CDH4: variants seen among roughly 807,000 people sequenced by gnomAD.
The protein encoded by CDH4 is cadherin 4.
In CDH4, 33 loss-of-function variants were observed where a neutral mutation model predicts 86.0. The observed-to-expected ratio is 0.38, with a 90% CI of 0.29 to 0.51. The LOEUF is 0.51. Among genes scored for constraint, CDH4 ranks in the 20% least tolerant of loss-of-function variants. The pLI, the probability that CDH4 is intolerant of heterozygous loss-of-function variation, is 0.86. For synonymous variants in CDH4, 555 were observed against 549.4 expected (o/e 1.01, Z -0.14); for missense variants, 1,114 against 1,307.4 (o/e 0.85, Z 2.28).
intron 2 of CDH4, among the ~76,000 whole-genome samples, chr20:61,555,107 ATG>A (rs1224869637): frequency 2.0e-5 from 3 of 151,404 alleles, no homozygotes; most frequent in Non-Finnish European, 4.4e-5. Flanking sequence ...TATGAGCCGT[ATG>A]TGTGTGTGTG....
chr20:61,655,518 G>C (rs1248911377), intron 2 of CDH4, among the ~76,000 whole-genome samples: 1 of 152,228 alleles, frequency 6.6e-6, no homozygotes, highest in Non-Finnish European at 1.5e-5. Flanking sequence ...CCACTGCCGT[G>C]TTCTCCTCTC....
chr20:61,588,554 G>T (rs902570142), intron 2 of CDH4, among the ~76,000 whole-genome samples: 2 of 152,162 alleles, frequency 1.3e-5, no homozygotes, highest in East Asian at 3.9e-4. Context: ...CTCATTCCCC[G>T]CTGAGGGGAA....
At chr20:61,731,899 A>G (rs888211921) in intron 2 of CDH4, among the ~76,000 whole-genome samples, 2 of 152,060 alleles carry the variant, frequency 1.3e-5, no homozygotes, top group African/African-American at 4.8e-5. Context: ...CCCTGGGATG[A>G]GCAACATCAG....
At chr20:61,763,471 C>T (rs2088661929) in intron 3 of CDH4, among the ~76,000 whole-genome samples, 1 of 152,216 alleles carries the variant, frequency 6.6e-6, no homozygotes, top group Non-Finnish European at 1.5e-5. Context: ...CACTGCGGAG[C>T]CGGTGCTCAG....
chr20:61,531,948 C>T (rs2085957737), intron 2 of CDH4, among the ~76,000 whole-genome samples: 5 of 152,270 alleles, frequency 3.3e-5, no homozygotes, highest in Admixed American at 3.3e-4. Context: ...ATCTTCTGCG[C>T]TGCTCAAGTG....
At chr20:61,542,372 C>T (rs536972709) in intron 2 of CDH4, among the ~76,000 whole-genome samples, 2 of 152,290 alleles carry the variant, frequency 1.3e-5, no homozygotes, top group African/African-American at 4.8e-5. Flanking sequence ...TCAGTCCCTC[C>T]CGCAGCCTCT....
At chr20:61,922,687 C>G (rs1052758438) in intron 9 of CDH4, among the ~76,000 whole-genome samples, 5 of 152,240 alleles carry the variant, frequency 3.3e-5, no homozygotes, top group Non-Finnish European at 4.4e-5. Flanking sequence ...AGCTGCCTCA[C>G]TCCAGACTGC....
intron 2 of CDH4, among the ~76,000 whole-genome samples, chr20:61,560,634 G>A (rs562673307): frequency 8.3e-4 from 126 of 152,330 alleles, no homozygotes; most frequent in East Asian, 9.7e-4. Context: ...CCCCACCCGC[G>A]GGGCCCTGGC....
chr20:61,552,987 A>T (rs2086145731), intron 2 of CDH4, among the ~76,000 whole-genome samples: 1 of 152,266 alleles, frequency 6.6e-6, no homozygotes, highest in Non-Finnish European at 1.5e-5. Context: ...TAATTTGTAC[A>T]TGGATGTTTA....
intron 2 of CDH4, among the ~76,000 whole-genome samples, chr20:61,499,896 TTCTG>T (rs1333241491): frequency 1.3e-5 from 2 of 152,174 alleles, no homozygotes; most frequent in African/African-American, 2.4e-5. Context: ...TGGGCATCGA[TTCTG>T]TCTGTGGCAG....
rs150084117 is a variant in CDH4 at position 61,727,533 on chromosome 20, G to A, written c.170-16030G>A. Among the ~76,000 whole-genome samples, 64 of 152,304 alleles carry A rather than the reference G, an allele frequency of 4.2e-4. No homozygotes were observed. In the East Asian group the frequency reaches 5.8e-3, roughly 14 times the overall value. On this transcript the variant is annotated intron_variant, in intron 2 of 15. Coordinates refer to ENST00000614565, the MANE Select transcript of CDH4 (RefSeq NM_001794.5). ...TACTTTAAAGGACAACCTGAGGCTG[G>A]GTAATTTATAAGGAAAGGAGGTTTA...
intron 7 of CDH4, among the ~76,000 whole-genome samples, chr20:61,889,702 G>A (rs1984717563): frequency 6.7e-6 from 1 of 149,870 alleles, no homozygotes; most frequent in South Asian, 2.1e-4. Flanking sequence ...GATGATGGAT[G>A]GATAGATGAT....
chr20:61,856,423 A>T, intron 6 of CDH4, among the ~76,000 whole-genome samples: 1 of 106,312 alleles, frequency 9.4e-6, no homozygotes, highest in South Asian at 3.4e-4. Context: ...TGCCCCCCAC[A>T]CTCTTCCCCA....
At chr20:61,334,247 G>A (rs531142964) in intron 2 of CDH4, among the ~76,000 whole-genome samples, 2 of 152,302 alleles carry the variant, frequency 1.3e-5, no homozygotes, top group East Asian at 1.9e-4. Context: ...CCTGAAATGA[G>A]GCTCATGGAG....
intron 8 of CDH4, among the ~76,000 whole-genome samples, chr20:61,905,322 CTT>C (rs1161514719): frequency 9.9e-5 from 15 of 152,250 alleles, no homozygotes. Context: ...AGAATAGACT[CTT>C]TGTATAAACT....
At chr20:61,329,985 G>A (rs1055798979) in intron 2 of CDH4, among the ~76,000 whole-genome samples, 2 of 151,934 alleles carry the variant, frequency 1.3e-5, no homozygotes, top group Non-Finnish European at 2.9e-5. Context: ...ATGGCTTCTG[G>A]CTCCATCCAT....
chr20:61,464,703 A>T (rs897485032), intron 2 of CDH4, among the ~76,000 whole-genome samples: 1 of 152,218 alleles, frequency 6.6e-6, no homozygotes, highest in African/African-American at 2.4e-5. Flanking sequence ...CTGGTAACTA[A>T]CATAGGTGTC....
intron 5 of CDH4, among the ~76,000 whole-genome samples, chr20:61,848,383 G>GT (rs1223271599): frequency 6.6e-6 from 1 of 152,168 alleles, no homozygotes; most frequent in African/African-American, 2.4e-5. Flanking sequence ...TTTTTCTTTT[G>GT]TTTTTTGAGA....
chr20:61,301,667 A>G (rs934806781), intron 2 of CDH4, among the ~76,000 whole-genome samples: 1 of 152,240 alleles, frequency 6.6e-6, no homozygotes, highest in Admixed American at 6.5e-5. Flanking sequence ...ACAGATCATA[A>G]TATTATTAAA....
Sources: gnomAD v4.1 joint callset for allele counts (sites outside exome capture counted in the v4.1 genomes callset) on GRCh38, gnomAD v4.1.1 for gene constraint, MANE v1.5 for transcripts, NCBI Gene and HGNC (gene_info 2026-07-23, HGNC 2026-07-21) for gene names.